Variants in FUT8 observed in about 807,000 individuals in gnomAD.
FUT8 encodes the protein fucosyltransferase 8.
In FUT8, 29 loss-of-function variants were observed where a neutral mutation model predicts 71.3. The ratio of observed to expected loss-of-function variants is 0.41; its 90% CI spans 0.30 to 0.55. The LOEUF (loss-of-function observed/expected upper bound fraction) is 0.55. Among genes scored for constraint, FUT8 ranks in the 20% least tolerant of loss-of-function variants. The pLI, the probability that FUT8 is intolerant of heterozygous loss-of-function variation, is 0.34. For missense variants in FUT8, 544 were observed against 702.1 expected (o/e 0.77, Z 2.55); for synonymous variants, 254 against 239.3 (o/e 1.06, Z -0.57).
At chr14:65,704,562 CAAAA>C (rs552836847) in intron 7 of FUT8, among the ~76,000 whole-genome samples, 2 of 151,934 alleles carry the variant, frequency 1.3e-5, no homozygotes, top group Non-Finnish European at 2.9e-5. Context: ...ATAGAACAAA[CAAAA>C]AAACTCCCTC....
chr14:65,715,777 T>G (rs1895025110), intron 7 of FUT8, among the ~76,000 whole-genome samples: 2 of 152,154 alleles, frequency 1.3e-5, no homozygotes, highest in African/African-American at 4.8e-5. Context: ...CTAAAATTTA[T>G]CTTGTTACTG....
intron 2 of FUT8, among the ~76,000 whole-genome samples, chr14:65,481,445 G>A (rs2066329506): frequency 6.6e-6 from 1 of 151,938 alleles, no homozygotes; most frequent in Non-Finnish European, 1.5e-5. Flanking sequence ...TTAATGGAGT[G>A]TGATTTTTTT....
intron 3 of FUT8, among the ~76,000 whole-genome samples, chr14:65,612,154 T>G (rs1291718618): frequency 2.0e-5 from 3 of 152,250 alleles, no homozygotes; most frequent in African/African-American, 7.2e-5. Context: ...GTAACTTTTG[T>G]GGATTCCAGA....
At chr14:65,594,147 G>T (rs1313582552) in intron 3 of FUT8, among the ~76,000 whole-genome samples, 2 of 152,194 alleles carry the variant, frequency 1.3e-5, no homozygotes, top group East Asian at 1.9e-4. Context: ...TATGACAGGG[G>T]TGCCTCGTTT....
chr14:65,532,918 A>G (rs1884054245), intron 2 of FUT8, among the ~76,000 whole-genome samples: 1 of 152,114 alleles, frequency 6.6e-6, no homozygotes, highest in Admixed American at 6.5e-5. Flanking sequence ...TTGTTTTTGT[A>G]GGCTTTGTTG....
rs377325722 is a variant in FUT8 at position 65,642,742 on chromosome 14, T to C, written c.597+13136T>C. Among the ~76,000 whole-genome samples, 12 of 152,350 alleles carry C rather than the reference T, an allele frequency of 7.9e-5. No individual in the cohort carries two copies. The East Asian group carries it at 2.1e-3, about 27-fold the overall frequency. On this transcript the variant is annotated intron_variant, in intron 6 of 10. Coordinates refer to ENST00000673929, the MANE Select transcript of FUT8 (RefSeq NM_001371533.1). ...GGTAGTGTGATTTATCGTTCTTTTT[T>C]TGAAATTTTGTTCATTATATGTTCT...
At chr14:65,449,259 A>G (rs1329576919) in intron 1 of FUT8, among the ~76,000 whole-genome samples, 1 of 152,236 alleles carries the variant, frequency 6.6e-6, no homozygotes, top group Non-Finnish European at 1.5e-5. Flanking sequence ...TAGAATAATT[A>G]TAGGAAATAT....
intron 3 of FUT8, among the ~76,000 whole-genome samples, chr14:65,585,435 A>T (rs368104590): frequency 6.6e-6 from 1 of 152,118 alleles, no homozygotes; most frequent in Non-Finnish European, 1.5e-5. Context: ...AGTCCTCCCA[A>T]CGTGGCCTCC....
chr14:65,626,035 C>A (rs116382515), intron 5 of FUT8, among the ~76,000 whole-genome samples: 1 of 152,108 alleles, frequency 6.6e-6, no homozygotes, highest in African/African-American at 2.4e-5. Flanking sequence ...TCTCATTGAT[C>A]AATCCCCCTT....
intron 7 of FUT8, among the ~76,000 whole-genome samples, chr14:65,694,947 G>C (rs1401909610): frequency 6.6e-6 from 1 of 151,686 alleles, no homozygotes; most frequent in African/African-American, 2.4e-5. Context: ...AATGCTAAGT[G>C]ACAAGTTAAT....
At position 65,475,452 on chromosome 14, in the gene FUT8, C is replaced by T. The variant is rs78288683; in HGVS notation, c.-228+19734C>T. Among the ~76,000 whole-genome samples, 754 of 152,184 alleles carry T rather than the reference C, an allele frequency of 5.0e-3. 8 individuals are homozygous for T. Among genetic ancestry groups the T allele is most frequent in the African/African-American group, 0.017 (718 of 41,512 alleles). Reference sequence around the variant, plus strand: ...TTGGAATTAGAAATCTTAGTTGCTGCATAACATTAAAAGTGTCAGGATGAT... The same window carrying T: ...TTGGAATTAGAAATCTTAGTTGCTGTATAACATTAAAAGTGTCAGGATGAT... On this transcript the variant is annotated intron_variant, in intron 2 of 10. Transcript: ENST00000673929.
chr14:65,440,858 A>G (rs2065643896), intron 1 of FUT8, among the ~76,000 whole-genome samples: 1 of 152,226 alleles, frequency 6.6e-6, no homozygotes. Flanking sequence ...AAGCTAAAGC[A>G]TAGTCCAATT....
chr14:65,470,649 A>G (rs957000165), intron 2 of FUT8, among the ~76,000 whole-genome samples: 2 of 152,224 alleles, frequency 1.3e-5, no homozygotes, highest in East Asian at 3.9e-4. Flanking sequence ...CAGGCTCAGC[A>G]GTCGCCTGAT....
At chr14:65,448,501 T>C (rs182563090) in intron 1 of FUT8, among the ~76,000 whole-genome samples, 14 of 152,318 alleles carry the variant, frequency 9.2e-5, no homozygotes, top group African/African-American at 3.4e-4. Context: ...CTCATAAATA[T>C]TGTACTGTTT....
intron 3 of FUT8, among the ~76,000 whole-genome samples, chr14:65,597,704 G>A (rs116180876): frequency 3.7e-5 from 5 of 133,924 alleles, no homozygotes; most frequent in Non-Finnish European, 7.1e-5. Flanking sequence ...CCATGATAGT[G>A]TAACAGAATT....
At chr14:65,465,174 G>C (rs2066024783) in intron 2 of FUT8, among the ~76,000 whole-genome samples, 1 of 152,026 alleles carries the variant, frequency 6.6e-6, no homozygotes, top group Non-Finnish European at 1.5e-5. Context: ...TCTGATTTTT[G>C]TTGTTTTCTT....
At chr14:65,717,370 C>G (rs1477908986) in intron 7 of FUT8, among the ~76,000 whole-genome samples, 1 of 139,598 alleles carries the variant, frequency 7.2e-6, no homozygotes, top group African/African-American at 2.7e-5. Context: ...ACTTCCCAGA[C>G]GGGGCGGCCA....
chr14:65,526,146 G>C (rs1308799136), intron 2 of FUT8, among the ~76,000 whole-genome samples: 1 of 151,870 alleles, frequency 6.6e-6, no homozygotes, highest in Non-Finnish European at 1.5e-5. Flanking sequence ...TGATCTGTCT[G>C]ATGTTGACAG....
At chr14:65,470,585 G>T (rs920420514) in intron 2 of FUT8, among the ~76,000 whole-genome samples, 9 of 152,310 alleles carry the variant, frequency 5.9e-5, no homozygotes, top group East Asian at 1.9e-4. Flanking sequence ...TTGCCCTGGC[G>T]CTTCAGTGGC....
Sources: gnomAD v4.1 joint callset for allele counts (sites outside exome capture counted in the v4.1 genomes callset) on GRCh38, gnomAD v4.1.1 for gene constraint, MANE v1.5 for transcripts, NCBI Gene and HGNC (gene_info 2026-07-23, HGNC 2026-07-21) for gene names.